The following FGD6 variants were observed in gnomAD, a reference collection of about 807,000 sequenced individuals.
FGD6 encodes the protein FYVE, RhoGEF and PH domain-containing protein 6.
A neutral mutation model predicts 149.4 loss-of-function variants in FGD6; 90 were observed. The observed-to-expected ratio is 0.60, with a 90% CI of 0.51 to 0.72. The LOEUF is 0.72. Among genes scored for constraint, FGD6 ranks in the 30% least tolerant of loss-of-function variants. FGD6 has a pLI of 0.00. For missense variants in FGD6, 1,437 were observed against 1,684.8 expected (o/e 0.85, Z 2.57); for synonymous variants, 527 against 584.0 (o/e 0.90, Z 1.41).
Position 95,081,535 on chromosome 12 carries a change from T to G in FGD6, c.4278A>C (p.Glu1426Asp). The change falls in exon 21 of 21, where the codon GAA becomes GAC. Residue 1426 changes from glutamate to aspartate, a missense_variant. Glu to Asp is a conservative substitution (Grantham distance 45, BLOSUM62 2). This residue lies in a region of FGD6 where 382 missense variants were observed against 538.7 expected (regional missense o/e 0.71). Transcript: ENST00000343958. ...ACCAATACTGCTACAATATTGTGCC[T>G]TCCTGAAATGCTTCTATCCACCTAT... ...SAQKWIEAFQ[E>D]GTIL is the part of the protein sequence containing the mutation. The G allele has an allele frequency of 6.2e-7, 1 of 1,606,862 alleles. No individual in the cohort carries two copies. Among genetic ancestry groups the G allele is most frequent in the Non-Finnish European group, 8.5e-7 (1 of 1,176,884 alleles).
At chr12:95,094,741 T>C in intron 14 of FGD6, 47 bp from the exon 15 acceptor site, 1 of 1,380,404 alleles carries the variant, frequency 7.2e-7, no homozygotes, top group Non-Finnish European at 1.0e-6. Flanking sequence ...GTTTTTGTTC[T>C]TTTCCTTTTT....
chr12:95,107,411 A>G, intron 12 of FGD6, 152 bp downstream of exon 12: 2 of 629,850 alleles, frequency 3.2e-6, no homozygotes, highest in Non-Finnish European at 2.7e-6. Context: ...TATTTCCCAT[A>G]CTTGAAATGC....
intron 3 of FGD6, among the ~76,000 whole-genome samples, chr12:95,154,639 C>A (rs1429672860): frequency 1.3e-5 from 2 of 152,122 alleles, no homozygotes; most frequent in African/African-American, 4.8e-5. Context: ...AAACGTCAGA[C>A]CTGGTTTTAG....
chr12:95,102,529 C>A (rs940770681), intron 14 of FGD6, among the ~76,000 whole-genome samples: 6 of 151,692 alleles, frequency 4.0e-5, no homozygotes, highest in Non-Finnish European at 2.9e-5. Flanking sequence ...GAGAGTTTAC[C>A]TGCACTCTCT....
chr12:95,110,187 A>G (rs1424047333), intron 9 of FGD6, among the ~76,000 whole-genome samples: 1 of 151,938 alleles, frequency 6.6e-6, no homozygotes, highest in Non-Finnish European at 1.5e-5. Flanking sequence ...CGTGTTAGCC[A>G]GGATGGTCTT....
intron 2 of FGD6, among the ~76,000 whole-genome samples, chr12:95,194,021 C>T (rs11107931): frequency 0.095 from 14,459 of 152,054 alleles, 804 homozygotes; most frequent in East Asian, 0.25. Context: ...GGAGCCTTGA[C>T]CTCCTGGGCT....
intron 8 of FGD6, among the ~76,000 whole-genome samples, chr12:95,123,837 C>T (rs1286443280): frequency 6.6e-6 from 1 of 152,138 alleles, no homozygotes; most frequent in East Asian, 1.9e-4. Context: ...GCTGGGATTA[C>T]AGGCGTGAGC....
intron 8 of FGD6, among the ~76,000 whole-genome samples, chr12:95,131,625 T>A (rs1879522130): frequency 2.0e-5 from 3 of 152,134 alleles, no homozygotes; most frequent in Admixed American, 2.0e-4. Flanking sequence ...GGAAAGAATT[T>A]TAAGCAATGG....
At chr12:95,181,290 A>G (rs1881276714) in intron 2 of FGD6, among the ~76,000 whole-genome samples, 1 of 152,168 alleles carries the variant, frequency 6.6e-6, no homozygotes, top group African/African-American at 2.4e-5. Flanking sequence ...ATAGTTCTCC[A>G]TTTGGTTGTG....
At chr12:95,083,619 T>C (rs931893124) in intron 20 of FGD6, among the ~76,000 whole-genome samples, 1 of 152,196 alleles carries the variant, frequency 6.6e-6, no homozygotes, top group Non-Finnish European at 1.5e-5. Flanking sequence ...TATCCTAAAA[T>C]AGACTGAAAA....
chr12:95,202,762 G>A (rs1268818217), intron 2 of FGD6, among the ~76,000 whole-genome samples: 1 of 152,188 alleles, frequency 6.6e-6, no homozygotes, highest in Non-Finnish European at 1.5e-5. Flanking sequence ...TGCTTCTGCT[G>A]CAATTTCAAA....
At chr12:95,138,544 CAAAAGA>C (rs1479965259) in intron 6 of FGD6, among the ~76,000 whole-genome samples, 5 of 138,580 alleles carry the variant, frequency 3.6e-5, no homozygotes, top group African/African-American at 8.0e-5. Flanking sequence ...GACAATGTCT[CAAAAGA>C]AAAAGAAAAA....
intron 8 of FGD6, among the ~76,000 whole-genome samples, chr12:95,115,394 T>C (rs1025921962): frequency 8.2e-6 from 1 of 122,022 alleles, no homozygotes; most frequent in Non-Finnish European, 1.7e-5. Context: ...TGTGCCTCCA[T>C]GTCTGCTTTT....
intron 5 of FGD6, among the ~76,000 whole-genome samples, chr12:95,146,250 G>A (rs1313114282): frequency 6.6e-6 from 1 of 152,176 alleles, no homozygotes; most frequent in Non-Finnish European, 1.5e-5. Context: ...GTCAAAACTG[G>A]TGCCACTGGG....
intron 7 of FGD6, 30 bp from the exon 8 acceptor site, chr12:95,134,856 A>C: frequency 6.4e-7 from 1 of 1,572,440 alleles, no homozygotes. Flanking sequence ...AAATTAACAC[A>C]GTGTTTTCTA....
intron 2 of FGD6, among the ~76,000 whole-genome samples, chr12:95,188,875 AT>A (rs1277839419): frequency 3.9e-5 from 6 of 151,978 alleles, no homozygotes; most frequent in African/African-American, 1.5e-4. Flanking sequence ...AGAGAAAGCT[AT>A]CCCCATCTGC....
In FGD6 at chr12:95,102,465, A is replaced by C. The variant is rs1390802637; in HGVS notation, c.3497+2542T>G. On this transcript the variant is annotated intron_variant, in intron 14 of 20. Coordinates refer to ENST00000343958, the MANE Select transcript of FGD6 (RefSeq NM_018351.4). ...TCTCAAAAAAAAAAAAAAAAAAAAA[A>C]AACACAACAACAATAAAGGAAAAGA... Among the ~76,000 whole-genome samples, 7 of 138,650 alleles carry C rather than the reference A, an allele frequency of 5.0e-5. No homozygotes were observed. The East Asian group carries it at 8.3e-4, about 16-fold the overall frequency. 91.0% of individuals were successfully genotyped at this position (138,650 alleles called of 152,430 possible). A position where few individuals can be genotyped will look rare whatever the true frequency, so the allele number is the denominator to read the frequency against.
chr12:95,125,610 TG>T, intron 8 of FGD6: 1 of 273,564 alleles, frequency 3.7e-6, no homozygotes. Context: ...CACTCTAACC[TG>T]GGAAACAGAG....
intron 2 of FGD6, among the ~76,000 whole-genome samples, chr12:95,173,605 C>G (rs1419351260): frequency 6.6e-6 from 1 of 152,102 alleles, no homozygotes; most frequent in African/African-American, 2.4e-5. Flanking sequence ...TAGGAAAGTT[C>G]CCTAAGAAGA....
Sources: allele counts gnomAD v4.1 joint callset (sites outside exome capture counted in the v4.1 genomes callset), GRCh38; gene constraint gnomAD v4.1.1; regional missense constraint gnomAD v4.1.1; transcripts MANE v1.5; gene names NCBI Gene and HGNC (gene_info 2026-07-23, HGNC 2026-07-21).